OSGIN2: variants seen among roughly 807,000 people sequenced by gnomAD.
OSGIN2 encodes oxidative stress-induced growth inhibitor 2.
A neutral mutation model predicts 53.8 loss-of-function variants in OSGIN2; 19 were observed. The observed-to-expected ratio is 0.35, with a 90% CI of 0.25 to 0.52. The LOEUF is 0.52. Among genes scored for constraint, OSGIN2 ranks in the 20% least tolerant of loss-of-function variants. OSGIN2 has a pLI of 0.95. For synonymous variants in OSGIN2, 236 were observed against 236.0 expected, an observed-to-expected ratio of 1.00 and a Z score of 0.00; for missense variants, 520 against 662.7, an observed-to-expected ratio of 0.78 and a Z score of 2.36.
rs1388914381 is a variant in OSGIN2, at chr8:89,924,988, T to C, written c.1106T>C (p.Ile369Thr). Residue 369 changes from isoleucine to threonine, a missense_variant, in exon 6 of 6, where the codon ATC becomes ACC. This residue lies in a region of OSGIN2 where 239 missense variants were observed against 328.3 expected (regional missense o/e 0.73). Coordinates refer to ENST00000451899, the MANE Select transcript of OSGIN2 (RefSeq NM_001126111.3). ...DAVLCAYNSN[I>T]PVIHVFRRRV... ...GTACTGTGTGCTTACAACAGTAATA[T>C]CCCTGTGATTCATGTGTTTCGCAGA... 4.3e-6 allele frequency: 7 copies of C among 1,613,962 alleles called. No homozygotes were observed. In the African/African-American group the frequency reaches 9.3e-5, roughly 22 times the overall value.
chr8:89,909,220 G>A (rs557658814), intron 1 of OSGIN2, among the ~76,000 whole-genome samples: 1 of 151,608 alleles, frequency 6.6e-6, no homozygotes, highest in African/African-American at 2.4e-5. Context: ...AAAAAGAAAG[G>A]TATGGAGGAG....
Position 89,925,345 on chromosome 8 carries a change from T to C in OSGIN2, c.1463T>C (p.Val488Ala). Residue 488 changes from valine (V) to alanine (A), a missense_variant, in exon 6 of 6, where the codon GTG becomes GCG. Val to Ala is a moderately conservative substitution (Grantham distance 64, BLOSUM62 0). Transcript: ENST00000451899. ...CCAATCACATGTAAGGGTAATCCTG[T>C]GGAAATAGATACATATACCTATGAG... ...SQPITCKGNPVEIDTYTYECI... is the reference protein window; with the variant it reads ...SQPITCKGNPAEIDTYTYECI... 6.2e-7 allele frequency: 1 copy of C among 1,614,130 alleles called. No individual in the cohort carries two copies. The highest frequency in any genetic ancestry group is 2.2e-5 in the East Asian group (1 of 44,880).
chr8:89,918,808 T>G (rs1809136570), intron 4 of OSGIN2, among the ~76,000 whole-genome samples: 1 of 152,202 alleles, frequency 6.6e-6, no homozygotes, highest in South Asian at 2.1e-4. Flanking sequence ...TGATTTCTCT[T>G]TCTTCAACTC....
At chr8:89,904,521 CTAAAG>C (rs912468583) in intron 1 of OSGIN2, among the ~76,000 whole-genome samples, 5 of 151,308 alleles carry the variant, frequency 3.3e-5, no homozygotes, top group Non-Finnish European at 5.9e-5. Context: ...TCTGTTGTGT[CTAAAG>C]TATTTTTTTT....
At chr8:89,903,001 T>C (rs1808758092) in intron 1 of OSGIN2, among the ~76,000 whole-genome samples, 164 bp downstream of exon 1, 1 of 151,146 alleles carries the variant, frequency 6.6e-6, no homozygotes, top group Admixed American at 6.6e-5. Flanking sequence ...TGGGGTGCGG[T>C]GTGGTGGGGT....
intron 1 of OSGIN2, among the ~76,000 whole-genome samples, chr8:89,909,038 ATATATATATATAC>A (rs1257808458): frequency 1.2e-4 from 11 of 95,284 alleles, no homozygotes; most frequent in African/African-American, 7.2e-4. Flanking sequence ...AAAAAAAAAA[ATATATATATATAC>A]ATATATATAT....
chr8:89,912,999 C>T (rs1316992014), intron 2 of OSGIN2, among the ~76,000 whole-genome samples: 1 of 151,988 alleles, frequency 6.6e-6, no homozygotes, highest in African/African-American at 2.4e-5. Context: ...GTCAGACAGT[C>T]ATCAGAAATG....
intron 5 of OSGIN2, among the ~76,000 whole-genome samples, chr8:89,921,980 A>G (rs1359370181): frequency 4.0e-5 from 6 of 151,100 alleles, no homozygotes; most frequent in East Asian, 3.9e-4. Flanking sequence ...CTCTGTCTCA[A>G]AAAAAAAAGG....
At chr8:89,902,869 A>G in intron 1 of OSGIN2, 32 bp downstream of exon 1, 3 of 1,340,052 alleles carry the variant, frequency 2.2e-6, no homozygotes, top group African/African-American at 1.5e-5. Flanking sequence ...GGAGGGGAGC[A>G]GGCGGGGATG....
intron 4 of OSGIN2, among the ~76,000 whole-genome samples, chr8:89,920,643 AAAAG>A (rs1485620821): frequency 6.6e-6 from 1 of 152,198 alleles, no homozygotes; most frequent in African/African-American, 2.4e-5. Flanking sequence ...GTTGCTAATT[AAAAG>A]AAAGTTAATA....
chr8:89,903,476 G>A (rs2130684040), intron 1 of OSGIN2, among the ~76,000 whole-genome samples: 1 of 152,328 alleles, frequency 6.6e-6, no homozygotes. Context: ...ACTAGAAACT[G>A]ATTTTAACCC....
chr8:89,908,292 T>G (rs554375255), intron 1 of OSGIN2, among the ~76,000 whole-genome samples: 81 of 152,234 alleles, frequency 5.3e-4, no homozygotes, highest in South Asian at 3.1e-3. Context: ...TGGTGTCTGT[T>G]TTGGTCAAAA....
chr8:89,915,505 A>G (rs1004904871), intron 4 of OSGIN2, among the ~76,000 whole-genome samples: 2 of 152,216 alleles, frequency 1.3e-5, no homozygotes, highest in African/African-American at 4.8e-5. Flanking sequence ...AGCAGAGGTT[A>G]AACCAGAGAA....
At chr8:89,916,803 T>C (rs1055593045) in intron 4 of OSGIN2, among the ~76,000 whole-genome samples, 1 of 152,196 alleles carries the variant, frequency 6.6e-6, no homozygotes, top group Non-Finnish European at 1.5e-5. Context: ...AAGCTTACTC[T>C]TTCCTAAAGA....
Position 89,921,080 on chromosome 8 carries a change from A to C in OSGIN2, c.529A>C (p.Asn177His). 6.4e-7 allele frequency: 1 copy of C among 1,564,296 alleles called. No individual in the cohort carries two copies. Among genetic ancestry groups the C allele is most frequent in the East Asian group, 2.2e-5 (1 of 44,568 alleles). ...CATTTTTTTTTTTAAACTCTAATAG[A>C]ATATGGAAGGCTCCATGTTGACAAT... is the stretch of plus-strand genomic sequence containing the variant. ...GKGPPGGAWH[N>H]MEGSMLTISF... Residue 177 changes from asparagine (N) to histidine (H), a missense_variant and splice_region_variant, in exon 5 of 6, where the codon AAT becomes CAT. Physicochemically the swap from Asn to His is moderately conservative, Grantham distance 68. Coordinates refer to ENST00000451899, the MANE Select transcript of OSGIN2 (RefSeq NM_001126111.3).
At chr8:89,906,232 G>C (rs760692016) in intron 1 of OSGIN2, among the ~76,000 whole-genome samples, 12 of 152,114 alleles carry the variant, frequency 7.9e-5, no homozygotes, top group Non-Finnish European at 1.6e-4. Flanking sequence ...GGACCACATT[G>C]GAAGAATTGT....
At chr8:89,914,245 T>A in intron 3 of OSGIN2, 32 bp downstream of exon 3, 4 of 1,509,258 alleles carry the variant, frequency 2.7e-6, no homozygotes, top group East Asian at 2.3e-5. Flanking sequence ...TTTAAAAAAT[T>A]TTTTTATGCT....
intron 2 of OSGIN2, among the ~76,000 whole-genome samples, chr8:89,911,767 T>C (rs531209470): frequency 1.3e-5 from 2 of 151,330 alleles, no homozygotes; most frequent in Admixed American, 6.6e-5. Context: ...ACCTTGTCTC[T>C]ACTAAAAATA....
At chr8:89,923,739 C>A (rs991586231) in intron 5 of OSGIN2, among the ~76,000 whole-genome samples, 1 of 152,196 alleles carries the variant, frequency 6.6e-6, no homozygotes, top group African/African-American at 2.4e-5. Flanking sequence ...TTTCAACTTA[C>A]AATTGGTCTA....
Sources: gnomAD v4.1 joint callset for allele counts (sites outside exome capture counted in the v4.1 genomes callset) on GRCh38, gnomAD v4.1.1 for gene constraint, gnomAD v4.1.1 regional missense constraint, MANE v1.5 for transcripts, NCBI Gene and HGNC (gene_info 2026-07-23, HGNC 2026-07-21) for gene names.